The following PLPPR5 variants were observed in gnomAD, a reference collection of about 807,000 sequenced individuals.
PLPPR5 encodes phospholipid phosphatase related 5.
In PLPPR5, 16 loss-of-function variants were observed where a neutral mutation model predicts 33.9. The observed-to-expected ratio is 0.47, with a 90% CI of 0.32 to 0.72. The LOEUF (loss-of-function observed/expected upper bound fraction) is 0.72, where lower values mean the gene tolerates loss of function less well. PLPPR5 is among the 30% of genes least tolerant of loss of function. The pLI is 0.03. For synonymous variants in PLPPR5, 163 were observed against 150.3 expected (o/e 1.08, Z -0.62); for missense variants, 301 against 406.7 (o/e 0.74, Z 2.23).
intron 5 of PLPPR5, 52 bp downstream of exon 5, chr1:98,914,734 A>C (rs996331901): frequency 2.0e-6 from 3 of 1,498,544 alleles, no homozygotes; most frequent in African/African-American, 1.4e-5. Flanking sequence ...ATACAGGAAT[A>C]ATGATTCATT....
chr1:98,899,658 G>GTTTT (rs397967481), intron 5 of PLPPR5, among the ~76,000 whole-genome samples: 7 of 103,342 alleles, frequency 6.8e-5, no homozygotes, highest in Non-Finnish European at 1.3e-4. Context: ...TATTTCACTT[G>GTTTT]TTTTTTTTTT....
intron 3 of PLPPR5, among the ~76,000 whole-genome samples, chr1:98,930,596 C>A (rs1390655093): frequency 6.6e-6 from 1 of 152,150 alleles, no homozygotes; most frequent in Non-Finnish European, 1.5e-5. Context: ...TGATCAGCAA[C>A]AAAATACTTT....
intron 1 of PLPPR5, among the ~76,000 whole-genome samples, chr1:98,963,328 T>C (rs1019049119): frequency 2.6e-5 from 4 of 152,374 alleles, no homozygotes; most frequent in Admixed American, 1.3e-4. Context: ...AATTTGCATA[T>C]GCGTTTATAA....
rs34637022 is a variant in PLPPR5, at chr1:98,976,092, T to TAAAAAAAA, written c.238-19359_238-19352dup. On this transcript the variant is annotated intron_variant, in intron 1 of 5. Coordinates refer to ENST00000263177, the MANE Select transcript of PLPPR5 (RefSeq NM_001037317.2). ...AAGATGAGATCATCCTACTAAAAAG[T>TAAAAAAAA]AAAAAAAAAAAAAAAAAAAAAAGCC... Among the ~76,000 whole-genome samples the TAAAAAAAA allele has an allele frequency of 2.3e-3, 175 of 74,476 alleles. 1 individual carries two copies. The highest frequency in any genetic ancestry group is 3.3e-3 in the East Asian group (7 of 2,098). The allele number at this position is 74,476 out of a possible 152,430, so 48.9% of individuals were successfully genotyped here.
At chr1:98,981,029 T>C (rs1652043942) in intron 1 of PLPPR5, among the ~76,000 whole-genome samples, 1 of 152,066 alleles carries the variant, frequency 6.6e-6, no homozygotes, top group Non-Finnish European at 1.5e-5. Flanking sequence ...AACCCAAGAA[T>C]TCTGCAACAC....
At chr1:98,910,121 C>G (rs1557665433) in intron 5 of PLPPR5, among the ~76,000 whole-genome samples, 1 of 152,312 alleles carries the variant, frequency 6.6e-6, no homozygotes, top group Middle Eastern at 3.4e-3. Flanking sequence ...TACATAACTT[C>G]TAAACGAAAC....
chr1:98,964,607 G>T (rs1404212712), intron 1 of PLPPR5, among the ~76,000 whole-genome samples: 6 of 152,108 alleles, frequency 3.9e-5, no homozygotes, highest in Non-Finnish European at 8.8e-5. Context: ...CCTCATCTGG[G>T]CTCACTAAAC....
chr1:98,977,601 A>C (rs1651907429), intron 1 of PLPPR5, among the ~76,000 whole-genome samples: 2 of 150,552 alleles, frequency 1.3e-5, no homozygotes, highest in Admixed American at 1.3e-4. Context: ...AGTTATTTGA[A>C]GGCAGCAAGT....
chr1:98,940,394 C>A (rs964470236), intron 3 of PLPPR5, among the ~76,000 whole-genome samples: 1 of 151,854 alleles, frequency 6.6e-6, no homozygotes, highest in African/African-American at 2.4e-5. Context: ...TAATCAGTTC[C>A]CAAAGGCTTC....
At chr1:98,909,248 CCCCTCCCTTCCCCCT>C (rs1170933412) in intron 5 of PLPPR5, among the ~76,000 whole-genome samples, 1 of 110,382 alleles carries the variant, frequency 9.1e-6, no homozygotes, top group Non-Finnish European at 1.8e-5. Flanking sequence ...TCCCTCCCTT[CCCCTCCCTTCCCCCT>C]CCCTCCCTTC....
At chr1:99,001,822 G>C (rs1481778921) in intron 1 of PLPPR5, among the ~76,000 whole-genome samples, 1 of 151,344 alleles carries the variant, frequency 6.6e-6, no homozygotes, top group East Asian at 1.9e-4. Context: ...CCACACTTGA[G>C]AGTATGACAG....
In PLPPR5 at chr1:98,956,856, A is replaced by G. The variant is rs1651028942; in HGVS notation, c.238-115T>C. 3.9e-6 allele frequency: 3 copies of G among 761,998 alleles called. No individual in the cohort carries two copies. In the South Asian group the frequency reaches 8.7e-5, roughly 22 times the overall value. The allele number at this position is 761,998 out of a possible 1,614,324, so 47.2% of individuals were successfully genotyped here. A position where few individuals can be genotyped will look rare whatever the true frequency, so the allele number is the denominator to read the frequency against. On this transcript the variant is annotated intron_variant, in intron 1 of 5. Coordinates refer to ENST00000263177, the MANE Select transcript of PLPPR5 (RefSeq NM_001037317.2). The stretch of plus-strand genomic sequence containing the variant: ...CTTTGAATGGTAATAATCTCAATGT[A>G]AAACAGAGCCATAATCGATTTCCTA...
At chr1:98,934,345 A>T (rs1013317242) in intron 3 of PLPPR5, among the ~76,000 whole-genome samples, 3 of 152,192 alleles carry the variant, frequency 2.0e-5, no homozygotes, top group African/African-American at 7.2e-5. Context: ...CTGTGTGTTT[A>T]TGGCAGATAA....
At chr1:98,987,794 T>C (rs1305288247) in intron 1 of PLPPR5, among the ~76,000 whole-genome samples, 1 of 151,986 alleles carries the variant, frequency 6.6e-6, no homozygotes, top group Non-Finnish European at 1.5e-5. Flanking sequence ...TAATAAAGAA[T>C]TATGCATTTT....
At chr1:98,974,273 GA>G (rs1651768484) in intron 1 of PLPPR5, among the ~76,000 whole-genome samples, 1 of 152,028 alleles carries the variant, frequency 6.6e-6, no homozygotes, top group South Asian at 2.1e-4. Context: ...GTGTCACAAA[GA>G]AGTAAGAGAA....
At chr1:98,920,085 G>A (rs1039295646) in intron 4 of PLPPR5, among the ~76,000 whole-genome samples, 4 of 152,210 alleles carry the variant, frequency 2.6e-5, no homozygotes, top group East Asian at 1.9e-4. Context: ...ATCATGAAAC[G>A]TTCTCAACCT....
At position 98,921,826 on chromosome 1, in the gene PLPPR5, G is replaced by GCAAAATAATTATGCAT. The variant is rs570838146; in HGVS notation, c.798+55_798+56insATGCATAATTATTTTG. On this transcript the variant is annotated intron_variant, in intron 4 of 5. Transcript: ENST00000263177. The stretch of plus-strand genomic sequence containing the variant: ...GTGATTCACACTTGTATTTTCTCAT[G>GCAAAATAATTATGCAT]GTGATTATGCAAGTTAATTAAAAAC... The GCAAAATAATTATGCAT allele has an allele frequency of 2.2e-5, 31 of 1,381,904 alleles. No individual in the cohort carries two copies. In the African/African-American group the frequency reaches 4.5e-4, roughly 20 times the overall value. 85.6% of individuals were successfully genotyped at this position (1,381,904 alleles called of 1,614,324 possible). A position where few individuals can be genotyped will look rare whatever the true frequency, so the allele number is the denominator to read the frequency against.
rs778823788 is a variant in PLPPR5 at position 98,892,035 on chromosome 1, T to C, written c.*1037A>G. 3 of 152,164 alleles carry C rather than the reference T, an allele frequency of 2.0e-5. No homozygotes were observed. Among genetic ancestry groups the C allele is most frequent in the African/African-American group, 7.2e-5 (3 of 41,456 alleles). 9.4% of individuals were successfully genotyped at this position (152,164 alleles called of 1,614,324 possible). On this transcript the variant is annotated 3_prime_UTR_variant, in exon 6 of 6. Coordinates refer to ENST00000263177, the MANE Select transcript of PLPPR5 (RefSeq NM_001037317.2). ...CCTTCATGTTTATACCAGGTTATTATGAGGATTACATAAAATAATTGGTGT... is the reference window on the plus strand; with the variant it reads ...CCTTCATGTTTATACCAGGTTATTACGAGGATTACATAAAATAATTGGTGT...
chr1:98,925,315 T>G (rs1649712293), intron 3 of PLPPR5, among the ~76,000 whole-genome samples: 2 of 152,178 alleles, frequency 1.3e-5, no homozygotes, highest in African/African-American at 4.8e-5. Flanking sequence ...CACTCAGTCC[T>G]CTAGGGTCAG....
Sources: gnomAD v4.1 joint callset for allele counts (sites outside exome capture counted in the v4.1 genomes callset) on GRCh38, gnomAD v4.1.1 for gene constraint, MANE v1.5 for transcripts, NCBI Gene and HGNC (gene_info 2026-07-23, HGNC 2026-07-21) for gene names.